TGFB1: variants seen among roughly 807,000 people sequenced by gnomAD.
The protein encoded by TGFB1 is transforming growth factor beta-1 proprotein.
A neutral mutation model predicts 43.8 loss-of-function variants in TGFB1; 19 were observed. That is an observed-to-expected ratio of 0.43 (90% CI 0.30 to 0.64). TGFB1 has a LOEUF of 0.64. Ranked by LOEUF, TGFB1 falls within the 30% of genes least tolerant of loss-of-function variation. The pLI is 0.11. For missense variants in TGFB1, 445 were observed against 529.8 expected (o/e 0.84, Z 1.57); for synonymous variants, 221 against 236.3 (o/e 0.94, Z 0.60).
chr19:41,348,153 A>C, intron 2 of TGFB1, 142 bp downstream of exon 2: 3 of 906,150 alleles, frequency 3.3e-6, no homozygotes, highest in Non-Finnish European at 5.2e-6. Context: ...AAAGCGTTCT[A>C]GGATTGTATG....
At chr19:41,348,194 C>A (rs1276467588) in intron 2 of TGFB1, 101 bp downstream of exon 2, 2 of 1,348,890 alleles carry the variant, frequency 1.5e-6, no homozygotes, top group African/African-American at 2.9e-5. Flanking sequence ...CAGGGACCAT[C>A]TAGGTGGACC....
intron 5 of TGFB1, among the ~76,000 whole-genome samples, chr19:41,338,509 A>AG (rs528179994): frequency 0.028 from 4,290 of 150,730 alleles, 133 homozygotes; most frequent in South Asian, 0.14. Context: ...AAAAAAAAAA[A>AG]GGGGATATAG....
Position 41,341,959 on chromosome 19 carries a change from C to A in TGFB1, c.784G>T (p.Ala262Ser). 6.2e-7 allele frequency: 1 copy of A among 1,614,142 alleles called. No individual in the cohort carries two copies. Among genetic ancestry groups the A allele is most frequent in the Non-Finnish European group, 8.5e-7 (1 of 1,180,028 alleles). ...GMNRPFLLLM[A>S]TPLERAQHLQ... ...TGCTGGGCCCTCTCCAGCGGGGTGGCCATGAGAAGCAGGAAAGGCCGGTTC... is the reference window on the plus strand; with the variant it reads ...TGCTGGGCCCTCTCCAGCGGGGTGGACATGAGAAGCAGGAAAGGCCGGTTC... Residue 262 changes from alanine (A) to serine (S), a missense_variant, in exon 5 of 7, where the codon GCC becomes TCC. This residue lies in a region of TGFB1 where 366 missense variants were observed against 428.8 expected (regional missense o/e 0.85). Coordinates refer to ENST00000221930, the MANE Select transcript of TGFB1 (RefSeq NM_000660.7).
chr19:41,332,731 TG>T (rs2123081458), intron 5 of TGFB1, among the ~76,000 whole-genome samples: 1 of 152,296 alleles, frequency 6.6e-6, no homozygotes, highest in Admixed American at 6.5e-5. Context: ...AGGCTAGGCA[TG>T]GTGGCTCACA....
chr19:41,331,950 C>T, intron 6 of TGFB1, 178 bp downstream of exon 6: 1 of 827,656 alleles, frequency 1.2e-6, no homozygotes, highest in Non-Finnish European at 1.9e-6. Context: ...TGCTCAGAGC[C>T]CCTCTCTAGC....
intron 5 of TGFB1, among the ~76,000 whole-genome samples, chr19:41,332,498 T>C (rs1238070053): frequency 6.6e-6 from 1 of 152,176 alleles, no homozygotes; most frequent in Non-Finnish European, 1.5e-5. Context: ...AGCAATGTAA[T>C]AATTAATTTC....
rs527779840 is a variant in TGFB1, at chr19:41,346,998, T to G, written c.516+1297A>C. Among the ~76,000 whole-genome samples, 3 of 152,120 alleles carry G rather than the reference T, an allele frequency of 2.0e-5. No homozygotes were observed. In the South Asian group the frequency reaches 6.2e-4, roughly 32 times the overall value. On this transcript the variant is annotated intron_variant, in intron 2 of 6. Coordinates refer to ENST00000221930, the MANE Select transcript of TGFB1 (RefSeq NM_000660.7). The stretch of plus-strand genomic sequence containing the variant: ...ACCCTGGCCTCCCAAAGTGCTGGGA[T>G]TGCAGGCATGAGCCACCACGCCTGG...
intron 1 of TGFB1, among the ~76,000 whole-genome samples, 170 bp from the exon 2 acceptor site, chr19:41,348,625 A>T (rs2038146130): frequency 7.1e-6 from 1 of 141,542 alleles, no homozygotes; most frequent in Non-Finnish European, 1.5e-5. Flanking sequence ...ATTTAAATGA[A>T]TTTTTTTTTT....
chr19:41,342,907 G>A (rs548012420), intron 3 of TGFB1, among the ~76,000 whole-genome samples: 7 of 151,474 alleles, frequency 4.6e-5, no homozygotes, highest in African/African-American at 7.3e-5. Context: ...CTGGCCTCCC[G>A]AAGTGCTGGG....
intron 3 of TGFB1, among the ~76,000 whole-genome samples, chr19:41,344,496 G>T (rs2038093540): frequency 6.6e-6 from 1 of 152,178 alleles, no homozygotes; most frequent in Non-Finnish European, 1.5e-5. Context: ...TATGAGCTCT[G>T]TGAGGGCAAG....
intron 5 of TGFB1, among the ~76,000 whole-genome samples, chr19:41,338,217 G>A (rs1401179964): frequency 6.7e-6 from 1 of 150,308 alleles, no homozygotes; most frequent in Admixed American, 6.7e-5. Flanking sequence ...GAATACGGCC[G>A]GGTGCGTGGC....
intron 5 of TGFB1, among the ~76,000 whole-genome samples, chr19:41,339,896 T>G (rs11466338): frequency 6.6e-6 from 1 of 151,958 alleles, no homozygotes; most frequent in Non-Finnish European, 1.5e-5. Flanking sequence ...TGAAGGAGCC[T>G]GGGAGCAGGG....
intron 5 of TGFB1, among the ~76,000 whole-genome samples, chr19:41,341,508 A>G (rs2038055498): frequency 7.0e-6 from 1 of 143,144 alleles, no homozygotes; most frequent in Non-Finnish European, 1.5e-5. Flanking sequence ...TGATCCCAAC[A>G]TTACAAGACT....
chr19:41,347,176 C>T (rs2038125621), intron 2 of TGFB1, among the ~76,000 whole-genome samples: 1 of 152,098 alleles, frequency 6.6e-6, no homozygotes, highest in Admixed American at 6.6e-5. Context: ...GCACGCATCA[C>T]CATAACAGGC....
chr19:41,351,381 C>T (rs1335086857), intron 1 of TGFB1, among the ~76,000 whole-genome samples: 1 of 152,226 alleles, frequency 6.6e-6, no homozygotes, highest in African/African-American at 2.4e-5. Context: ...GCCGACGGGG[C>T]CGGCTGAGTG....
In TGFB1 at chr19:41,352,674, G is replaced by A. The variant is rs147900290; in HGVS notation, c.355+16C>T. On this transcript the variant is annotated intron_variant, in intron 1 of 6. Transcript: ENST00000221930. ...TGGGGGCCCCCCTCCCGGCTCCCCTGCCCCTCCGAGCTCACCGTTGTGGGT... is the reference window on the plus strand; with the variant it reads ...TGGGGGCCCCCCTCCCGGCTCCCCTACCCCTCCGAGCTCACCGTTGTGGGT... The A allele has an allele frequency of 9.9e-6, 16 of 1,611,892 alleles. No homozygotes were observed. The highest frequency in any genetic ancestry group is 2.7e-5 in the African/African-American group (2 of 74,892).
At chr19:41,331,242 G>A in intron 6 of TGFB1, 32 bp from the exon 7 acceptor site, 1 of 1,478,986 alleles carries the variant, frequency 6.8e-7, no homozygotes, top group South Asian at 1.3e-5. Flanking sequence ...AGGGCTCAGG[G>A]CTCGTGGAGG....
intron 6 of TGFB1, among the ~76,000 whole-genome samples, chr19:41,331,736 C>T (rs1306253732): frequency 2.0e-5 from 3 of 151,660 alleles, no homozygotes; most frequent in African/African-American, 7.3e-5. Flanking sequence ...CAGTCTCTGT[C>T]CCTCCTCATC....
At chr19:41,334,112 C>T (rs138390373) in intron 5 of TGFB1, among the ~76,000 whole-genome samples, 73 of 152,320 alleles carry the variant, frequency 4.8e-4, no homozygotes, top group African/African-American at 1.6e-3. Flanking sequence ...CAGTGGCTCA[C>T]GCCTGTAATC....
Sources: gnomAD v4.1 joint callset for allele counts (sites outside exome capture counted in the v4.1 genomes callset) on GRCh38, gnomAD v4.1.1 for gene constraint, gnomAD v4.1.1 regional missense constraint, MANE v1.5 for transcripts, NCBI Gene and HGNC (gene_info 2026-07-23, HGNC 2026-07-21) for gene names.